LNP1: variants seen among roughly 807,000 people sequenced by gnomAD.
LNP1 encodes leukemia NUP98 fusion partner 1.
LNP1 carries 12 observed loss-of-function variants against 14.5 expected under a neutral mutation model. That is an observed-to-expected ratio of 0.83 (90% CI 0.53 to 1.34). LNP1 has a LOEUF of 1.34. Among genes scored for constraint, LNP1 ranks in the 40% most tolerant of loss-of-function variants. The pLI is 0.00. For missense variants in LNP1, 198 were observed against 210.9 expected, an observed-to-expected ratio of 0.94 and a Z score of 0.38; for synonymous variants, 75 against 71.4, an observed-to-expected ratio of 1.05 and a Z score of -0.26.
chr3:100,410,158 G>A (rs1261322354), intron 1 of LNP1, among the ~76,000 whole-genome samples: 1 of 151,992 alleles, frequency 6.6e-6, no homozygotes, highest in East Asian at 1.9e-4. Context: ...GATTTTTGAG[G>A]TGCCTGCTAG....
chr3:100,407,489 T>C (rs1393643706), intron 1 of LNP1, among the ~76,000 whole-genome samples: 2 of 152,208 alleles, frequency 1.3e-5, no homozygotes, highest in Non-Finnish European at 2.9e-5. Flanking sequence ...ATATGTTACT[T>C]GCTTTTTTTG....
At chr3:100,423,739 A>G (rs75289845) in intron 1 of LNP1, among the ~76,000 whole-genome samples, 1,764 of 152,266 alleles carry the variant, frequency 0.012, 90 homozygotes, top group Admixed American at 0.093. Context: ...ATGATACTCA[A>G]ATTCTCAGCT....
At chr3:100,422,656 T>A (rs961742370) in intron 1 of LNP1, among the ~76,000 whole-genome samples, 1 of 152,146 alleles carries the variant, frequency 6.6e-6, no homozygotes, top group Non-Finnish European at 1.5e-5. Context: ...CTTCAAAATC[T>A]CTTCCAATGT....
intron 1 of LNP1, among the ~76,000 whole-genome samples, chr3:100,406,484 A>C (rs113404389): frequency 0.012 from 1,895 of 152,206 alleles, 43 homozygotes; most frequent in African/African-American, 0.044. Flanking sequence ...TACTTGTTTA[A>C]ACATTATAAA....
intron 2 of LNP1, among the ~76,000 whole-genome samples, chr3:100,443,163 G>A (rs2148906538): frequency 6.6e-6 from 1 of 152,222 alleles, no homozygotes; most frequent in East Asian, 1.9e-4. Flanking sequence ...GACTCCAAAT[G>A]AGAAAAACAT....
At chr3:100,439,472 T>A (rs1318092549) in intron 2 of LNP1, among the ~76,000 whole-genome samples, 2 of 152,290 alleles carry the variant, frequency 1.3e-5, no homozygotes, top group African/African-American at 2.4e-5. Context: ...GCTTCTTCCA[T>A]GGCAGTGGAT....
chr3:100,429,086 T>C (rs1368184909), intron 1 of LNP1, among the ~76,000 whole-genome samples: 4 of 152,386 alleles, frequency 2.6e-5, no homozygotes, highest in African/African-American at 9.6e-5. Context: ...TTATGATTTG[T>C]ACATTTTACA....
intron 2 of LNP1, among the ~76,000 whole-genome samples, chr3:100,439,010 T>A (rs1707318165): frequency 6.6e-6 from 1 of 152,166 alleles, no homozygotes; most frequent in South Asian, 2.1e-4. Context: ...CTTCTCCCTG[T>A]CCCAATTACA....
intron 2 of LNP1, among the ~76,000 whole-genome samples, chr3:100,447,656 C>G (rs1051064889): frequency 6.6e-6 from 1 of 151,992 alleles, no homozygotes; most frequent in African/African-American, 2.4e-5. Context: ...AGACCTTTCA[C>G]AACATGCTTA....
At chr3:100,428,986 G>GGATACATTGGAAGGGGGATACA (rs1707219556) in intron 1 of LNP1, among the ~76,000 whole-genome samples, 1 of 152,210 alleles carries the variant, frequency 6.6e-6, no homozygotes, top group Non-Finnish European at 1.5e-5. Context: ...CATGGAGCCA[G>GGATACATTGGAAGGGGGATACA]TTGGGGTGCT....
intron 2 of LNP1, among the ~76,000 whole-genome samples, chr3:100,440,791 C>T (rs1378139502): frequency 3.3e-5 from 5 of 152,054 alleles, no homozygotes; most frequent in East Asian, 1.9e-4. Flanking sequence ...CAAAATTACC[C>T]GAATTATTAA....
chr3:100,404,360 A>T (rs1270439380), intron 1 of LNP1, among the ~76,000 whole-genome samples: 4 of 152,194 alleles, frequency 2.6e-5, no homozygotes, highest in African/African-American at 4.8e-5. Flanking sequence ...GCTTTCTATG[A>T]TGCTGGAAAT....
intron 1 of LNP1, among the ~76,000 whole-genome samples, chr3:100,406,842 T>C (rs1266311520): frequency 2.6e-5 from 4 of 152,166 alleles, no homozygotes; most frequent in Non-Finnish European, 4.4e-5. Flanking sequence ...TGATTTTTAT[T>C]TTTAGTGTAT....
intron 2 of LNP1, among the ~76,000 whole-genome samples, chr3:100,434,985 T>C (rs1438904621): frequency 9.2e-5 from 14 of 152,176 alleles, no homozygotes; most frequent in Admixed American, 6.5e-4. Flanking sequence ...AGTATCTCAC[T>C]ACAGGGCAGG....
chr3:100,443,050 A>G (rs1238857870), intron 2 of LNP1, among the ~76,000 whole-genome samples: 1 of 152,214 alleles, frequency 6.6e-6, no homozygotes, highest in African/African-American at 2.4e-5. Context: ...GGCAGGTATT[A>G]GTGGCTTATG....
chr3:100,451,834 A>G lies in LNP1; in HGVS notation c.272A>G (p.Asp91Gly), dbSNP rs1196470513. The stretch of plus-strand genomic sequence containing the variant: ...CGGGATTACAGAAAATACTCAGAGG[A>G]TGGGTCATTCAAGGAGCCACTGGAA... ...HVRDYRKYSE[D>G]GSFKEPLESK... The change falls in exon 3 of 4, where the codon GAT (aspartate) becomes GGT (glycine). Residue 91 changes from aspartate (D) to glycine (G), a missense_variant. By Grantham distance (94) the Asp-to-Gly change is moderately conservative. Transcript: ENST00000383693. The G allele has an allele frequency of 6.2e-7, 1 of 1,613,628 alleles. No homozygotes were observed. The highest frequency in any genetic ancestry group is 8.5e-7 in the Non-Finnish European group (1 of 1,179,586).
chr3:100,422,079 A>C (rs916177808), intron 1 of LNP1, among the ~76,000 whole-genome samples: 1 of 152,136 alleles, frequency 6.6e-6, no homozygotes, highest in Admixed American at 6.5e-5. Flanking sequence ...TAGATTCAAC[A>C]GAAGTGCTGA....
intron 1 of LNP1, among the ~76,000 whole-genome samples, chr3:100,403,999 C>T (rs1419682493): frequency 3.3e-5 from 5 of 152,314 alleles, no homozygotes; most frequent in African/African-American, 9.6e-5. Context: ...TAAGCATGTA[C>T]ATATAGAACA....
chr3:100,445,025 C>T (rs1449846780), intron 2 of LNP1, among the ~76,000 whole-genome samples: 1 of 152,134 alleles, frequency 6.6e-6, no homozygotes, highest in Non-Finnish European at 1.5e-5. Context: ...GTAATCCCAG[C>T]ACTTTGGGAG....
Sources: gnomAD v4.1 joint callset for allele counts (sites outside exome capture counted in the v4.1 genomes callset) on GRCh38, gnomAD v4.1.1 for gene constraint, MANE v1.5 for transcripts, NCBI Gene and HGNC (gene_info 2026-07-23, HGNC 2026-07-21) for gene names.